Variants in PPP4R4 observed in about 807,000 individuals in gnomAD.
PPP4R4 encodes the protein protein phosphatase 4 regulatory subunit 4, also known as serine/threonine-protein phosphatase 4 regulatory subunit 4.
Under a neutral mutation model 121.8 loss-of-function variants are expected in PPP4R4, and 70 were observed. The ratio of observed to expected loss-of-function variants is 0.57; its 90% CI spans 0.47 to 0.70. The LOEUF is 0.70. Ranked by LOEUF, PPP4R4 falls within the 30% of genes least tolerant of loss-of-function variation. The pLI, the probability that PPP4R4 is intolerant of heterozygous loss-of-function variation, is 0.00. For missense variants in PPP4R4, 875 were observed against 1,033.6 expected (o/e 0.85, Z 2.10); for synonymous variants, 348 against 355.7 (o/e 0.98, Z 0.24).
chr14:94,187,393 A>G (rs1889348707), intron 2 of PPP4R4, among the ~76,000 whole-genome samples: 1 of 152,218 alleles, frequency 6.6e-6, no homozygotes, highest in Non-Finnish European at 1.5e-5. Context: ...AGCATTTACA[A>G]AGTATATCTT....
intron 3 of PPP4R4, among the ~76,000 whole-genome samples, chr14:94,224,945 CA>C (rs1891614802): frequency 6.6e-6 from 1 of 151,916 alleles, no homozygotes; most frequent in Non-Finnish European, 1.5e-5. Context: ...AGGGTTTTGG[CA>C]AAATATTTAA....
intron 23 of PPP4R4, among the ~76,000 whole-genome samples, chr14:94,274,418 C>A (rs1216913814): frequency 6.6e-6 from 1 of 151,782 alleles, no homozygotes; most frequent in African/African-American, 2.4e-5. Flanking sequence ...AGAATATATA[C>A]AAAGATGTCT....
intron 9 of PPP4R4, 101 bp from the exon 10 acceptor site, chr14:94,241,687 A>C (rs1224726205): frequency 6.0e-6 from 5 of 832,598 alleles, no homozygotes; most frequent in Middle Eastern, 7.2e-4. Context: ...CCATTTATTT[A>C]AGTATTTGGC....
chr14:94,241,983 T>C (rs1892659671), intron 10 of PPP4R4, 26 bp downstream of exon 10: 1 of 1,546,278 alleles, frequency 6.5e-7, no homozygotes, highest in Middle Eastern at 1.7e-4. Context: ...TTATATTTAC[T>C]GAGGATTTTT....
At chr14:94,263,263 G>A (rs944300467) in intron 19 of PPP4R4, among the ~76,000 whole-genome samples, 38 of 151,798 alleles carry the variant, frequency 2.5e-4, no homozygotes, top group South Asian at 2.1e-4. Context: ...ATATTAGATC[G>A]TTTATTATTG....
In PPP4R4 at chr14:94,240,753, T is replaced by G. The variant is rs1892585862; in HGVS notation, c.934T>G (p.Ser312Ala). ...CAAAGCAGATGAATCAATTCTTATT[T>G]CTTTATCTTTCCATTTAGGAAAACT... ...SFKADESILI[S>A]LSFHLGKLCH... The change falls in exon 9 of 25, where the codon TCT becomes GCT. Residue 312 changes from serine (S) to alanine (A), a missense_variant. Transcript: ENST00000304338. 6.2e-7 allele frequency: 1 copy of G among 1,606,128 alleles called. No homozygotes were observed. The highest frequency in any genetic ancestry group is 8.5e-7 in the Non-Finnish European group (1 of 1,177,402).
chr14:94,187,175 G>C (rs113401777), intron 2 of PPP4R4, among the ~76,000 whole-genome samples: 2 of 152,070 alleles, frequency 1.3e-5, no homozygotes, highest in African/African-American at 4.8e-5. Context: ...ACCTGGGTGT[G>C]TTGGTGGGCA....
intron 14 of PPP4R4, 101 bp downstream of exon 14, chr14:94,246,640 A>G (rs758675411): frequency 4.3e-5 from 55 of 1,292,374 alleles, no homozygotes; most frequent in East Asian, 9.4e-5. Flanking sequence ...AACTCAGTTC[A>G]TTCCATTCTA....
At chr14:94,278,436 C>A (rs1046765001) in intron 24 of PPP4R4, among the ~76,000 whole-genome samples, 183 bp from the exon 25 acceptor site, 3 of 152,096 alleles carry the variant, frequency 2.0e-5, no homozygotes, top group Non-Finnish European at 4.4e-5. Flanking sequence ...ATGTGTAATT[C>A]ATTTTTTCCC....
chr14:94,242,107 A>G (rs1892665428), intron 10 of PPP4R4, 150 bp downstream of exon 10: 6 of 1,164,658 alleles, frequency 5.2e-6, no homozygotes, highest in Non-Finnish European at 6.1e-6. Context: ...TATTTGTGAA[A>G]TTTATATCTC....
At chr14:94,197,373 T>C (rs1889935576) in intron 2 of PPP4R4, among the ~76,000 whole-genome samples, 1 of 152,170 alleles carries the variant, frequency 6.6e-6, no homozygotes, top group Non-Finnish European at 1.5e-5. Context: ...ATCACGTAGT[T>C]ATGGTGTAGA....
intron 2 of PPP4R4, among the ~76,000 whole-genome samples, chr14:94,197,506 TA>T (rs1889945860): frequency 6.6e-6 from 1 of 152,238 alleles, no homozygotes; most frequent in Non-Finnish European, 1.5e-5. Context: ...GCCATCTTCA[TA>T]GGGGTACTTT....
At chr14:94,258,079 A>G (rs968328387) in intron 17 of PPP4R4, among the ~76,000 whole-genome samples, 3 of 152,164 alleles carry the variant, frequency 2.0e-5, no homozygotes, top group African/African-American at 7.2e-5. Context: ...AGAGTCTTTC[A>G]TGGCATGCAT....
chr14:94,250,107 T>A (rs1328099403), intron 14 of PPP4R4, 65 bp from the exon 15 acceptor site: 2 of 1,060,664 alleles, frequency 1.9e-6, no homozygotes, highest in Non-Finnish European at 2.9e-6. Context: ...ATTGATTTGG[T>A]GGGGTCAAAT....
At chr14:94,178,009 T>C (rs555892415) in intron 2 of PPP4R4, among the ~76,000 whole-genome samples, 157 of 152,340 alleles carry the variant, frequency 1.0e-3, no homozygotes, top group African/African-American at 3.6e-3. Flanking sequence ...TTCTTTTGTA[T>C]CCCTACCATC....
chr14:94,227,443 T>C (rs989554047), intron 3 of PPP4R4: 1 of 1,547,238 alleles, frequency 6.5e-7, no homozygotes, highest in African/African-American at 1.4e-5. Context: ...AGTTGATTTT[T>C]AGCAGTGATG....
At chr14:94,259,729 A>G (rs1466696176) in intron 19 of PPP4R4, among the ~76,000 whole-genome samples, 1 of 152,206 alleles carries the variant, frequency 6.6e-6, no homozygotes, top group African/African-American at 2.4e-5. Flanking sequence ...CTAGTCCCCA[A>G]CAACCAATGA....
Position 94,241,905 on chromosome 14 carries a change from A to T in PPP4R4, c.1094A>T (p.Glu365Val), listed in dbSNP as rs761750084. Residue 365 changes from glutamate to valine, a missense_variant, in exon 10 of 25, where the codon GAG becomes GTG. By Grantham distance (121) the Glu-to-Val change is moderately radical. Transcript: ENST00000304338. ...AACCAGATTCCACCCCAAATCCTAG[A>T]GCAGGAGAAGAAATATATTTCAGTA... is the stretch of plus-strand genomic sequence containing the variant. ...NENQIPPQIL[E>V]QEKKYISVRK... 1.3e-4 allele frequency: 212 copies of T among 1,610,544 alleles called. No homozygotes were observed. The highest frequency in any genetic ancestry group is 1.7e-4 in the Non-Finnish European group (204 of 1,178,352).
chr14:94,193,158 CT>C (rs985822886), intron 2 of PPP4R4, among the ~76,000 whole-genome samples: 6 of 149,824 alleles, frequency 4.0e-5, no homozygotes, highest in Admixed American at 6.7e-5. Context: ...TGAGGACAAA[CT>C]TTTTTTTTTA....
Sources: allele counts gnomAD v4.1 joint callset (sites outside exome capture counted in the v4.1 genomes callset), GRCh38; gene constraint gnomAD v4.1.1; transcripts MANE v1.5; gene names NCBI Gene and HGNC (gene_info 2026-07-23, HGNC 2026-07-21).